The following TCF4 variants were observed in gnomAD, a reference collection of about 807,000 sequenced individuals.
The protein encoded by TCF4 is transcription factor 4.
A neutral mutation model predicts 82.1 loss-of-function variants in TCF4; 3 were observed. The observed-to-expected ratio is 0.04, with a 90% CI of 0.02 to 0.09. TCF4 has a LOEUF of 0.09. Among genes scored for constraint, TCF4 ranks in the 10% least tolerant of loss-of-function variants. The pLI, the probability that TCF4 is intolerant of heterozygous loss-of-function variation, is 1.00. For missense variants in TCF4, 518 were observed against 852.7 expected (o/e 0.61, Z 4.89); for synonymous variants, 276 against 309.6 (o/e 0.89, Z 1.14).
chr18:55,426,533 T>C (rs189532667), intron 5 of TCF4, among the ~76,000 whole-genome samples: 1 of 152,330 alleles, frequency 6.6e-6, no homozygotes, highest in Admixed American at 6.5e-5. Context: ...GTACCTCATT[T>C]CATCCTTTGC....
intron 10 of TCF4, among the ~76,000 whole-genome samples, chr18:55,274,621 G>A (rs556979815): frequency 6.6e-6 from 1 of 152,250 alleles, no homozygotes; most frequent in South Asian, 2.1e-4. Flanking sequence ...GATATGAGAA[G>A]AAGAAAAAGG....
intron 6 of TCF4, among the ~76,000 whole-genome samples, chr18:55,385,038 C>T (rs958294981): frequency 2.5e-4 from 38 of 152,068 alleles, no homozygotes; most frequent in South Asian, 1.0e-3. Context: ...TCCCCCTTAC[C>T]CCCTTTCTCT....
At chr18:55,427,161 C>T (rs1404698827) in intron 5 of TCF4, among the ~76,000 whole-genome samples, 6 of 152,146 alleles carry the variant, frequency 3.9e-5, no homozygotes, top group Non-Finnish European at 1.5e-5. Flanking sequence ...TCCTATATCT[C>T]TTCTACACAC....
At chr18:55,616,399 G>A (rs1234605713) in intron 2 of TCF4, among the ~76,000 whole-genome samples, 1 of 151,974 alleles carries the variant, frequency 6.6e-6, no homozygotes, top group East Asian at 1.9e-4. Context: ...TGGATGTGTT[G>A]GCTATGTGAA....
upstream of TCF4, among the ~76,000 whole-genome samples, chr18:55,590,750 C>T (rs2097683900): frequency 6.6e-6 from 1 of 152,172 alleles, no homozygotes; most frequent in Non-Finnish European, 1.5e-5. Flanking sequence ...TGACAGATAA[C>T]ACATGTGTTT....
intron 2 of TCF4, among the ~76,000 whole-genome samples, chr18:55,605,204 C>T (rs1053578781): frequency 2.6e-5 from 4 of 152,108 alleles, no homozygotes; most frequent in Non-Finnish European, 4.4e-5. Context: ...AGCATGTGGC[C>T]TAGACTGAAA....
chr18:55,269,769 T>G lies in TCF4; in HGVS notation c.922+62A>C, dbSNP rs772808473. 9 of 1,606,144 alleles carry G rather than the reference T, an allele frequency of 5.6e-6. No homozygotes were observed. In the South Asian group the frequency reaches 8.8e-5, roughly 16 times the overall value. On this transcript the variant is annotated intron_variant, in intron 11 of 19. Coordinates refer to ENST00000354452, the MANE Select transcript of TCF4 (RefSeq NM_001083962.2). Reference sequence around the variant, plus strand: ...TTCAGTTATGAAAGGGAAAAAGAGGTCCTTGATGATTAAACTCTGACACCA... The same window carrying G: ...TTCAGTTATGAAAGGGAAAAAGAGGGCCTTGATGATTAAACTCTGACACCA...
chr18:55,585,644 T>A (rs182871930), intron 2 of TCF4: 2 of 626,824 alleles, frequency 3.2e-6, no homozygotes, highest in African/African-American at 3.8e-5. Flanking sequence ...AAGATTCAGG[T>A]TGGAGGCCAG....
chr18:55,409,547 G>A (rs1457652961), intron 5 of TCF4, among the ~76,000 whole-genome samples: 1 of 152,020 alleles, frequency 6.6e-6, no homozygotes, highest in Non-Finnish European at 1.5e-5. Context: ...ACTGACTTGA[G>A]CATACATGCC....
At chr18:55,606,152 C>T (rs536891301) in intron 2 of TCF4, among the ~76,000 whole-genome samples, 4 of 152,168 alleles carry the variant, frequency 2.6e-5, no homozygotes, top group Non-Finnish European at 5.9e-5. Flanking sequence ...GATTCAATAA[C>T]GGTAACTACC....
In TCF4 at chr18:55,322,392, G is replaced by A. The variant is rs1383828838; in HGVS notation, c.549+27967C>T. Reference sequence around the variant, plus strand: ...ATTGTACGCAGCTGCCTGAGAACTCGACTCGGAGAAAGGGGAGGGAAAGGG... The same window carrying A: ...ATTGTACGCAGCTGCCTGAGAACTCAACTCGGAGAAAGGGGAGGGAAAGGG... On this transcript the variant is annotated intron_variant, in intron 8 of 19. Coordinates refer to ENST00000354452, the MANE Select transcript of TCF4 (RefSeq NM_001083962.2). The A allele has an allele frequency of 7.8e-6, 6 of 765,020 alleles. No individual in the cohort carries two copies. The African/African-American group carries it at 1.3e-4, about 17-fold the overall frequency. 47.4% of individuals were successfully genotyped at this position (765,020 alleles called of 1,614,324 possible).
At chr18:55,618,941 G>C (rs1178560943) in intron 2 of TCF4, among the ~76,000 whole-genome samples, 1 of 150,450 alleles carries the variant, frequency 6.6e-6, no homozygotes, top group Non-Finnish European at 1.5e-5. Context: ...TCTTCCTTCT[G>C]CTAATTTTGG....
intron 3 of TCF4, among the ~76,000 whole-genome samples, chr18:55,491,379 CA>C (rs1301929332): frequency 6.6e-6 from 1 of 152,150 alleles, no homozygotes; most frequent in Non-Finnish European, 1.5e-5. Flanking sequence ...AGGCACCTGT[CA>C]CTGCAAAATT....
chr18:55,474,503 A>G (rs950556696), intron 3 of TCF4, among the ~76,000 whole-genome samples: 1 of 152,174 alleles, frequency 6.6e-6, no homozygotes. Flanking sequence ...TGTTTCTATT[A>G]CTTATTTATT....
intron 6 of TCF4, among the ~76,000 whole-genome samples, chr18:55,391,977 T>TC (rs1569333069): frequency 1.8e-5 from 2 of 111,698 alleles, no homozygotes; most frequent in Non-Finnish European, 3.8e-5. Context: ...TTTTTTTTTT[T>TC]TTTTGAGACA....
chr18:55,396,748 C>T (rs1185642273), intron 6 of TCF4, among the ~76,000 whole-genome samples: 1 of 152,188 alleles, frequency 6.6e-6, no homozygotes, highest in Non-Finnish European at 1.5e-5. Flanking sequence ...GCCATAACTA[C>T]TTTTCTTATC....
chr18:55,631,247 A>C, intron 2 of TCF4: 1 of 812,678 alleles, frequency 1.2e-6, no homozygotes, highest in Non-Finnish European at 2.0e-6. Context: ...ACAGGATTTC[A>C]TCATGTTGGC....
chr18:55,476,454 T>C (rs1316740524), intron 3 of TCF4, among the ~76,000 whole-genome samples: 1 of 151,948 alleles, frequency 6.6e-6, no homozygotes, highest in Non-Finnish European at 1.5e-5. Context: ...GCCCTCGTTG[T>C]TTTTTTGTTT....
At chr18:55,261,705 T>A (rs1405780733) in intron 11 of TCF4, among the ~76,000 whole-genome samples, 172 bp from the exon 12 acceptor site, 1 of 152,248 alleles carries the variant, frequency 6.6e-6, no homozygotes, top group Non-Finnish European at 1.5e-5. Flanking sequence ...ATATTCATGT[T>A]ACTTTTTTAC....
Sources: gnomAD v4.1 joint callset for allele counts (sites outside exome capture counted in the v4.1 genomes callset) on GRCh38, gnomAD v4.1.1 for gene constraint, MANE v1.5 for transcripts, NCBI Gene and HGNC (gene_info 2026-07-23, HGNC 2026-07-21) for gene names.